COMMD10: variants seen among roughly 807,000 people sequenced by gnomAD.
COMMD10 encodes COMM domain-containing protein 10.
A neutral mutation model predicts 28.9 loss-of-function variants in COMMD10; 33 were observed. That is an observed-to-expected ratio of 1.14 (90% confidence interval 0.87 to 1.53). The LOEUF (loss-of-function observed/expected upper bound fraction) is 1.53. Among genes scored for constraint, COMMD10 ranks in the 40% most tolerant of loss-of-function variants. COMMD10 has a pLI of 0.00. For missense variants in COMMD10, 310 were observed against 233.4 expected (o/e 1.33, Z -2.14); for synonymous variants, 110 against 81.7 (o/e 1.35, Z -1.87).
chr5:116,216,814 G>A (rs59842929), intron 5 of COMMD10, among the ~76,000 whole-genome samples: 3,315 of 152,208 alleles, frequency 0.022, 133 homozygotes, highest in African/African-American at 0.076. Context: ...GATTACAGGC[G>A]TGAGCCACTG....
Position 116,238,464 on chromosome 5 carries a change from A to C in COMMD10, c.511-53053A>C, listed in dbSNP as rs189058804. On this transcript the variant is annotated intron_variant, in intron 5 of 6. Coordinates refer to ENST00000274458, the MANE Select transcript of COMMD10 (RefSeq NM_016144.4). Reference sequence around the variant, plus strand: ...TTTGAAATGTTTCCCTAAATGTTACATCTGTTAATAGTTAGAAACCAGCTT... The same window carrying C: ...TTTGAAATGTTTCCCTAAATGTTACCTCTGTTAATAGTTAGAAACCAGCTT... Among the ~76,000 whole-genome samples the C allele has an allele frequency of 4.9e-3, 750 of 152,304 alleles. 3 individuals carry two copies. The highest frequency in any genetic ancestry group is 8.3e-3 in the Non-Finnish European group (567 of 68,026).
intron 4 of COMMD10, among the ~76,000 whole-genome samples, chr5:116,118,089 ATTGAATACC>A (rs1208542391): frequency 1.3e-5 from 2 of 152,272 alleles, no homozygotes; most frequent in East Asian, 3.9e-4. Context: ...TATCTGGCTT[ATTGAATACC>A]TCTAATCTCT....
intron 5 of COMMD10, among the ~76,000 whole-genome samples, chr5:116,148,477 T>A (rs1344734673): frequency 1.3e-5 from 2 of 151,852 alleles, no homozygotes; most frequent in Non-Finnish European, 2.9e-5. Context: ...TGCTGCTACC[T>A]CCTTGGTGAG....
intron 5 of COMMD10, among the ~76,000 whole-genome samples, chr5:116,136,501 A>T (rs1752028466): frequency 6.6e-6 from 1 of 152,224 alleles, no homozygotes; most frequent in South Asian, 2.1e-4. Flanking sequence ...TTTAAGCATC[A>T]TGAGTTCAGC....
intron 5 of COMMD10, among the ~76,000 whole-genome samples, chr5:116,171,847 G>A (rs763022728): frequency 6.6e-6 from 1 of 152,028 alleles, no homozygotes; most frequent in African/African-American, 2.4e-5. Context: ...GGCTAGGGGA[G>A]GGATAACATT....
intron 5 of COMMD10, among the ~76,000 whole-genome samples, chr5:116,204,227 C>T (rs987225907): frequency 3.3e-5 from 5 of 152,092 alleles, no homozygotes; most frequent in Non-Finnish European, 7.4e-5. Context: ...CAGGAGCACC[C>T]GGATTCATAA....
chr5:116,086,878 G>A (rs747924954), intron 1 of COMMD10, among the ~76,000 whole-genome samples: 5 of 152,176 alleles, frequency 3.3e-5, no homozygotes, highest in Non-Finnish European at 5.9e-5. Flanking sequence ...TTGGGAGGCT[G>A]AGGCACAAGG....
At chr5:116,203,808 G>A (rs1038665799) in intron 5 of COMMD10, among the ~76,000 whole-genome samples, 10 of 151,880 alleles carry the variant, frequency 6.6e-5, no homozygotes, top group Admixed American at 1.3e-4. Context: ...AAAGACCATC[G>A]AGACTAGGAA....
intron 5 of COMMD10, among the ~76,000 whole-genome samples, chr5:116,278,343 A>T (rs1180675248): frequency 6.6e-6 from 1 of 151,820 alleles, no homozygotes; most frequent in East Asian, 1.9e-4. Context: ...ACCAAAGCTG[A>T]AAAATCATAA....
intron 5 of COMMD10, among the ~76,000 whole-genome samples, chr5:116,277,555 T>C (rs1394927936): frequency 6.6e-6 from 1 of 151,944 alleles, no homozygotes; most frequent in African/African-American, 2.4e-5. Flanking sequence ...TAAAATAGCA[T>C]GTTTCCTATT....
At chr5:116,113,935 G>C (rs1183064327) in intron 4 of COMMD10, among the ~76,000 whole-genome samples, 1 of 151,680 alleles carries the variant, frequency 6.6e-6, no homozygotes, top group African/African-American at 2.4e-5. Flanking sequence ...CTTTTGTTTG[G>C]AGTAGACTTT....
intron 4 of COMMD10, among the ~76,000 whole-genome samples, chr5:116,111,003 A>AT (rs1387454400): frequency 6.6e-6 from 1 of 152,186 alleles, no homozygotes; most frequent in African/African-American, 2.4e-5. Context: ...CATCCAAACT[A>AT]TATCAGGTTA....
intron 4 of COMMD10, among the ~76,000 whole-genome samples, chr5:116,094,346 T>A (rs1206808101): frequency 6.6e-6 from 1 of 152,184 alleles, no homozygotes; most frequent in African/African-American, 2.4e-5. Context: ...TCCCATTTAA[T>A]GTGGACAAAG....
At chr5:116,270,492 C>G (rs1382815435) in intron 5 of COMMD10, among the ~76,000 whole-genome samples, 2 of 151,690 alleles carry the variant, frequency 1.3e-5, no homozygotes, top group African/African-American at 4.9e-5. Flanking sequence ...TTAGAACGGT[C>G]TAGAGAATGG....
chr5:116,202,837 T>C (rs928876158), intron 5 of COMMD10, among the ~76,000 whole-genome samples: 2 of 151,794 alleles, frequency 1.3e-5, no homozygotes, highest in Non-Finnish European at 2.9e-5. Flanking sequence ...TCTGTAGGTT[T>C]CCTGTTCACT....
chr5:116,130,056 A>C (rs987901124), intron 4 of COMMD10, among the ~76,000 whole-genome samples: 1 of 151,602 alleles, frequency 6.6e-6, no homozygotes, highest in Non-Finnish European at 1.5e-5. Flanking sequence ...ATATTTTTCA[A>C]TGACAAAGTT....
intron 5 of COMMD10, among the ~76,000 whole-genome samples, chr5:116,171,223 A>G (rs1429221158): frequency 6.6e-6 from 1 of 152,208 alleles, no homozygotes; most frequent in African/African-American, 2.4e-5. Context: ...AGACATACGA[A>G]AAAAAGCTCA....
At chr5:116,199,710 A>G (rs1748613881) in intron 5 of COMMD10, among the ~76,000 whole-genome samples, 1 of 152,168 alleles carries the variant, frequency 6.6e-6, no homozygotes, top group African/African-American at 2.4e-5. Context: ...AGGCAGGTCC[A>G]CTAGCCTAAA....
Position 116,134,038 on chromosome 5 carries a change from C to G in COMMD10, c.400-30C>G, listed in dbSNP as rs112941042. 4.0e-6 allele frequency: 5 copies of G among 1,237,146 alleles called. No individual in the cohort carries two copies. The South Asian group carries it at 4.8e-5, about 12-fold the overall frequency. 76.6% of individuals were successfully genotyped at this position (1,237,146 alleles called of 1,614,324 possible). On this transcript the variant is annotated intron_variant, in intron 4 of 6. Transcript: ENST00000274458. ...GACTGTTTTCTTCCTTCTGTACCATCTGATTCCAATCTGCACCTGTCTTTT... is the reference window on the plus strand; with the variant it reads ...GACTGTTTTCTTCCTTCTGTACCATGTGATTCCAATCTGCACCTGTCTTTT...
Sources: gnomAD v4.1 joint callset for allele counts (sites outside exome capture counted in the v4.1 genomes callset) on GRCh38, gnomAD v4.1.1 for gene constraint, MANE v1.5 for transcripts, NCBI Gene and HGNC (gene_info 2026-07-23, HGNC 2026-07-21) for gene names.